The following TRIO variants were observed in gnomAD, a reference collection of about 807,000 sequenced individuals.
TRIO encodes the protein triple functional domain protein.
A neutral mutation model predicts 351.9 loss-of-function variants in TRIO; 58 were observed. The ratio of observed to expected loss-of-function variants is 0.16; its 90% CI spans 0.13 to 0.21. The LOEUF (loss-of-function observed/expected upper bound fraction) is 0.21. Among genes scored for constraint, TRIO ranks in the 10% least tolerant of loss-of-function variants. The pLI, the probability that TRIO is intolerant of heterozygous loss-of-function variation, is 1.00. For synonymous variants in TRIO, 1,758 were observed against 1,595.7 expected, an observed-to-expected ratio of 1.10 and a Z score of -2.42; for missense variants, 3,201 against 4,027.8, an observed-to-expected ratio of 0.79 and a Z score of 5.56.
rs1452357416 is a variant in TRIO at position 14,461,196 on chromosome 5, A to G, written c.5381A>G (p.Lys1794Arg). The change falls in exon 35 of 57, where the codon AAG becomes AGG. Residue 1794 changes from lysine to arginine, a missense_variant. Coordinates refer to ENST00000344204, the MANE Select transcript of TRIO (RefSeq NM_007118.4). ...LSSGKADGHVKKLAHKHKKSR... is the reference protein window; with the variant it reads ...LSSGKADGHVRKLAHKHKKSR... ...AGCGGCAAGGCCGACGGGCACGTGA[A>G]GAAGCTGGCGCACAAGCACAAGAAG... The G allele has an allele frequency of 8.3e-6, 13 of 1,565,358 alleles. No homozygotes were observed. Among genetic ancestry groups the G allele is most frequent in the South Asian group, 7.0e-5 (6 of 85,358 alleles).
intron 1 of TRIO, among the ~76,000 whole-genome samples, chr5:14,193,120 A>G (rs963164686): frequency 4.6e-5 from 7 of 152,248 alleles, no homozygotes; most frequent in Admixed American, 1.3e-4. Flanking sequence ...GTTGCCATGC[A>G]GTTTCTGGTA....
At chr5:14,366,680 C>A (rs994743334) in intron 15 of TRIO, among the ~76,000 whole-genome samples, 180 bp from the exon 16 acceptor site, 2 of 152,194 alleles carry the variant, frequency 1.3e-5, no homozygotes, top group African/African-American at 4.8e-5. Flanking sequence ...GCAGCACTTG[C>A]AGTCAGGTAC....
intron 9 of TRIO, among the ~76,000 whole-genome samples, chr5:14,324,943 C>T (rs1292395072): frequency 2.0e-5 from 3 of 152,106 alleles, no homozygotes; most frequent in African/African-American, 4.8e-5. Context: ...GTTTTATTGA[C>T]GGATGAATTT....
chr5:14,420,102 G>A (rs529641836), intron 34 of TRIO, 81 bp downstream of exon 34: 2 of 1,549,262 alleles, frequency 1.3e-6, no homozygotes, highest in East Asian at 4.5e-5. Context: ...TCTCCTGCCT[G>A]TTAATGTGCA....
At chr5:14,360,842 A>G (rs982129445) in intron 13 of TRIO, among the ~76,000 whole-genome samples, 2 of 152,206 alleles carry the variant, frequency 1.3e-5, no homozygotes, top group East Asian at 1.9e-4. Context: ...GCTCATTCTC[A>G]TCATTAGTGA....
chr5:14,300,170 A>C (rs936645347), intron 7 of TRIO, among the ~76,000 whole-genome samples: 3 of 152,224 alleles, frequency 2.0e-5, no homozygotes, highest in African/African-American at 7.2e-5. Flanking sequence ...GTCATGTGGT[A>C]TATCCACAGG....
At chr5:14,336,752 T>C in intron 11 of TRIO, 25 bp downstream of exon 11, 1 of 1,612,902 alleles carries the variant, frequency 6.2e-7, no homozygotes, top group Non-Finnish European at 8.5e-7. Flanking sequence ...GACCAAAATA[T>C]GATCTGTGCT....
intron 1 of TRIO, among the ~76,000 whole-genome samples, chr5:14,159,056 C>G (rs529184808): frequency 4.6e-5 from 7 of 152,246 alleles, no homozygotes; most frequent in Non-Finnish European, 8.8e-5. Context: ...ACAAGGTTAC[C>G]ACGCGCACAG....
chr5:14,166,716 G>T (rs926354026), intron 1 of TRIO, among the ~76,000 whole-genome samples: 1 of 152,188 alleles, frequency 6.6e-6, no homozygotes, highest in Non-Finnish European at 1.5e-5. Context: ...CTGGTGGGAC[G>T]TGGTAACTAT....
At chr5:14,246,744 G>A (rs944110068) in intron 1 of TRIO, among the ~76,000 whole-genome samples, 2 of 152,188 alleles carry the variant, frequency 1.3e-5, no homozygotes, top group African/African-American at 4.8e-5. Context: ...AAGGAAAAGG[G>A]TAACACTCTT....
intron 1 of TRIO, among the ~76,000 whole-genome samples, chr5:14,218,569 A>G (rs1323180756): frequency 6.6e-6 from 1 of 152,228 alleles, no homozygotes; most frequent in African/African-American, 2.4e-5. Flanking sequence ...AACTGAAAAG[A>G]AAGTCTCAGG....
At chr5:14,178,947 G>A (rs182736200) in intron 1 of TRIO, among the ~76,000 whole-genome samples, 4 of 152,286 alleles carry the variant, frequency 2.6e-5, no homozygotes, top group African/African-American at 9.6e-5. Flanking sequence ...TGTGACTTGA[G>A]CCATGAATCA....
chr5:14,202,294 A>ATTTTTTTTTTCTTTTTTTTTTT (rs1791176350), intron 1 of TRIO, among the ~76,000 whole-genome samples: 1 of 33,536 alleles, frequency 3.0e-5, no homozygotes, highest in Non-Finnish European at 5.8e-5. Flanking sequence ...TATTTTTGTG[A>ATTTTTTTTTTCTTTTTTTTTTT]TTTTTTTTTT....
Position 14,498,202 on chromosome 5 carries a change from C to A in TRIO, c.8161C>A (p.Pro2721Thr). ...CAAAGCCTCAATTACCTGGAAGGGC[C>A]CTGAACACAACACCTTGAACAACGA... ...RPKASITWKGPEHNTLNNDGH... is the reference protein window; with the variant it reads ...RPKASITWKGTEHNTLNNDGH... The change falls in exon 52 of 57, where the codon CCT becomes ACT. Residue 2721 changes from proline to threonine, a missense_variant. Physicochemically the swap from Pro to Thr is conservative, Grantham distance 38 (BLOSUM62 -1). Transcript: ENST00000344204. 6.2e-7 allele frequency: 1 copy of A among 1,614,186 alleles called. No individual in the cohort carries two copies. The highest frequency in any genetic ancestry group is 8.5e-7 in the Non-Finnish European group (1 of 1,180,036).
At chr5:14,428,842 G>A (rs561140586) in intron 34 of TRIO, among the ~76,000 whole-genome samples, 2 of 152,282 alleles carry the variant, frequency 1.3e-5, no homozygotes, top group East Asian at 1.9e-4. Flanking sequence ...TAAAATCAGC[G>A]AGGAGCTCGT....
chr5:14,221,715 C>T lies in TRIO; in HGVS notation c.158-49110C>T, dbSNP rs551802124. On this transcript the variant is annotated intron_variant, in intron 1 of 56. Coordinates refer to ENST00000344204, the MANE Select transcript of TRIO (RefSeq NM_007118.4). ...ACTGCAGTCTCGTGATTAAACTCCT[C>T]AGGGATGAAGCGTTGCTTCTCATGA... is the stretch of plus-strand genomic sequence containing the variant. Among the ~76,000 whole-genome samples, 3 of 152,348 alleles carry T rather than the reference C, an allele frequency of 2.0e-5. No homozygotes were observed. In the East Asian group the frequency reaches 5.8e-4, roughly 29 times the overall value.
chr5:14,223,667 G>A lies in TRIO; in HGVS notation c.158-47158G>A, dbSNP rs764316348. Among the ~76,000 whole-genome samples, 8 of 152,336 alleles carry A rather than the reference G, an allele frequency of 5.3e-5. No homozygotes were observed. In the South Asian group the frequency reaches 1.7e-3, roughly 32 times the overall value. On this transcript the variant is annotated intron_variant, in intron 1 of 56. Coordinates refer to ENST00000344204, the MANE Select transcript of TRIO (RefSeq NM_007118.4). ...TGCGAGAACAAGAGGAAATGGCCAA[G>A]TTTCCGGGAAGCAGGGCTGCGGTGT...
intron 15 of TRIO, 74 bp downstream of exon 15, chr5:14,364,890 T>C (rs1744464076): frequency 6.7e-7 from 1 of 1,503,748 alleles, no homozygotes; most frequent in Non-Finnish European, 8.9e-7. Flanking sequence ...CCGGAAATTC[T>C]GACCTGTAGC....
At position 14,492,603 on chromosome 5, in the gene TRIO, T is replaced by C. The variant is rs759924119; in HGVS notation, c.7669T>C (p.Leu2557=). 1.9e-6 allele frequency: 3 copies of C among 1,614,220 alleles called. No individual in the cohort carries two copies. The highest frequency in any genetic ancestry group is 1.6e-4 in the Middle Eastern group (1 of 6,062). ...SSSSSNISTM[L]VTHDYTAVKE... ...CAGCAGTAGCAACATCTCCACCATG[T>C]TGGTGACACACGATTACACGGCAGT... Residue 2557 remains leucine, a synonymous_variant, in exon 49 of 57, where the codon TTG becomes CTG. Transcript: ENST00000344204.
Sources: gnomAD v4.1 joint callset for allele counts (sites outside exome capture counted in the v4.1 genomes callset) on GRCh38, gnomAD v4.1.1 for gene constraint, MANE v1.5 for transcripts, NCBI Gene and HGNC (gene_info 2026-07-23, HGNC 2026-07-21) for gene names.